The following GADL1 variants were observed in gnomAD, a reference collection of about 807,000 sequenced individuals.
GADL1 encodes acidic amino acid decarboxylase GADL1.
A neutral mutation model predicts 69.5 loss-of-function variants in GADL1; 71 were observed. That is an observed-to-expected ratio of 1.02 (90% CI 0.84 to 1.25). The LOEUF (loss-of-function observed/expected upper bound fraction) is 1.25, where lower values mean the gene tolerates loss of function less well. Ranked by LOEUF, GADL1 falls within the 50% of genes most tolerant of loss-of-function variation. GADL1 has a pLI of 0.00. For missense variants in GADL1, 737 were observed against 631.8 expected (o/e 1.17, Z -1.79); for synonymous variants, 254 against 214.4 (o/e 1.18, Z -1.62).
chr3:30,852,038 T>C (rs1317937043), intron 4 of GADL1, among the ~76,000 whole-genome samples: 2 of 152,202 alleles, frequency 1.3e-5, no homozygotes, highest in African/African-American at 4.8e-5. Flanking sequence ...AAATGTGTAC[T>C]CTAAATATGT....
chr3:30,867,750 T>C (rs1471832492), intron 1 of GADL1, among the ~76,000 whole-genome samples: 1 of 151,676 alleles, frequency 6.6e-6, no homozygotes, highest in African/African-American at 2.4e-5. Flanking sequence ...CATTAGGGAG[T>C]TAATAATGAC....
intron 14 of GADL1, among the ~76,000 whole-genome samples, chr3:30,770,032 A>AAAAAT (rs1419678829): frequency 1.3e-5 from 2 of 151,102 alleles, no homozygotes; most frequent in Admixed American, 6.6e-5. Context: ...AGCTTCTCTT[A>AAAAAT]AAAATAAGAC....
chr3:30,732,360 CT>C (rs925190382), intron 14 of GADL1, among the ~76,000 whole-genome samples: 12 of 152,268 alleles, frequency 7.9e-5, no homozygotes, highest in East Asian at 1.9e-4. Context: ...AAATCAAATT[CT>C]TTTCTTGTGC....
chr3:30,728,443 T>C, intron 14 of GADL1, 28 bp from the exon 15 acceptor site: 1 of 1,593,686 alleles, frequency 6.3e-7, no homozygotes, highest in African/African-American at 1.3e-5. Flanking sequence ...GGGAGAGGGG[T>C]GAAAGACCAG....
chr3:30,745,363 A>G (rs1179980542), intron 14 of GADL1, among the ~76,000 whole-genome samples: 1 of 152,242 alleles, frequency 6.6e-6, no homozygotes, highest in Admixed American at 6.5e-5. Flanking sequence ...ATGTCTATCA[A>G]TTAGATCCCT....
chr3:30,751,714 A>G (rs1695823668), intron 14 of GADL1, among the ~76,000 whole-genome samples: 1 of 152,144 alleles, frequency 6.6e-6, no homozygotes, highest in Non-Finnish European at 1.5e-5. Flanking sequence ...ATAGACACGG[A>G]GATCTATGCA....
chr3:30,771,771 CAG>C (rs1056131579), intron 14 of GADL1, among the ~76,000 whole-genome samples: 29 of 152,264 alleles, frequency 1.9e-4, no homozygotes, highest in African/African-American at 6.7e-4. Flanking sequence ...ATGACAAAAT[CAG>C]AGTTCTGAAA....
intron 11 of GADL1, among the ~76,000 whole-genome samples, chr3:30,819,992 A>C (rs1697543445): frequency 6.6e-6 from 1 of 152,012 alleles, no homozygotes; most frequent in Non-Finnish European, 1.5e-5. Context: ...CTAAAAACTG[A>C]TGCCTGTTAT....
intron 9 of GADL1, among the ~76,000 whole-genome samples, chr3:30,838,206 G>A (rs944267759): frequency 6.6e-6 from 1 of 151,780 alleles, no homozygotes; most frequent in Non-Finnish European, 1.5e-5. Context: ...TTGTCTCTTT[G>A]GTTAGAATCA....
intron 14 of GADL1, among the ~76,000 whole-genome samples, chr3:30,774,263 T>G (rs1215538021): frequency 6.6e-6 from 1 of 152,070 alleles, no homozygotes; most frequent in East Asian, 1.9e-4. Context: ...CATTGAACTG[T>G]GTCCCATGTT....
chr3:30,842,772 A>G (rs1452692174), intron 8 of GADL1, among the ~76,000 whole-genome samples: 2 of 149,808 alleles, frequency 1.3e-5, no homozygotes, highest in African/African-American at 4.9e-5. Flanking sequence ...AAGAAATCTG[A>G]TCATGCAAAC....
chr3:30,758,304 G>A (rs549521373), intron 14 of GADL1, among the ~76,000 whole-genome samples: 6 of 152,188 alleles, frequency 3.9e-5, no homozygotes, highest in Non-Finnish European at 7.3e-5. Flanking sequence ...CTCTCTGAAA[G>A]AGCCCCTCCT....
At position 30,804,685 on chromosome 3, in the gene GADL1, C is replaced by T. The variant is rs560917426; in HGVS notation, c.1051-3597G>A. 1.2e-4 allele frequency among the ~76,000 whole-genome samples: 19 copies of T among 152,346 alleles called. No individual in the cohort carries two copies. The South Asian group carries it at 2.9e-3, about 23-fold the overall frequency. ...CCACCCACTGACTCCCAACCTGCCC[C>T]TTGGCTATGAATCCCTACTTGTCCA... On this transcript the variant is annotated intron_variant, in intron 11 of 14. Transcript: ENST00000282538.
At chr3:30,778,367 CAT>C (rs1696587276) in intron 13 of GADL1, 99 bp from the exon 14 acceptor site, 6 of 737,218 alleles carry the variant, frequency 8.1e-6, no homozygotes, top group Middle Eastern at 3.6e-4. Context: ...CAAGAGTTAT[CAT>C]GTGTATAAAA....
chr3:30,769,372 A>G (rs999861100), intron 14 of GADL1, among the ~76,000 whole-genome samples: 1 of 152,104 alleles, frequency 6.6e-6, no homozygotes, highest in Non-Finnish European at 1.5e-5. Context: ...AATGTCTGGA[A>G]CGTATGCACA....
At chr3:30,769,629 C>T (rs1400254673) in intron 14 of GADL1, among the ~76,000 whole-genome samples, 1 of 152,148 alleles carries the variant, frequency 6.6e-6, no homozygotes, top group African/African-American at 2.4e-5. Context: ...CATTGAAGCC[C>T]AGAGGCCCCA....
At chr3:30,760,560 C>T (rs929459020) in intron 14 of GADL1, among the ~76,000 whole-genome samples, 5 of 152,156 alleles carry the variant, frequency 3.3e-5, no homozygotes, top group African/African-American at 1.2e-4. Context: ...CTCTTACCAT[C>T]TTCCAGGCCA....
At chr3:30,809,678 G>T (rs542289634) in intron 11 of GADL1, among the ~76,000 whole-genome samples, 1 of 152,190 alleles carries the variant, frequency 6.6e-6, no homozygotes, top group South Asian at 2.1e-4. Context: ...AAGATGTTTT[G>T]TACAGAAGTT....
intron 8 of GADL1, among the ~76,000 whole-genome samples, chr3:30,840,697 C>T (rs1697951464): frequency 6.6e-6 from 1 of 152,128 alleles, no homozygotes; most frequent in African/African-American, 2.4e-5. Flanking sequence ...CTATTATAGC[C>T]TATTAATGAG....
Sources: gnomAD v4.1 joint callset for allele counts (sites outside exome capture counted in the v4.1 genomes callset) on GRCh38, gnomAD v4.1.1 for gene constraint, MANE v1.5 for transcripts, NCBI Gene and HGNC (gene_info 2026-07-23, HGNC 2026-07-21) for gene names.